The following CD33 variants were observed in gnomAD, a reference collection of about 807,000 sequenced individuals.
CD33 encodes CD33 molecule.
In CD33, 25 loss-of-function variants were observed where a neutral mutation model predicts 31.4. That is an observed-to-expected ratio of 0.80 (90% CI 0.58 to 1.11). CD33 has a LOEUF of 1.11. CD33 is among the 50% of genes most tolerant of loss of function. The probability of loss-of-function intolerance (pLI) is 0.00; values close to 1 mark genes in which losing one functional copy is unlikely to be tolerated. For missense variants in CD33, 407 were observed against 448.1 expected (o/e 0.91, Z 0.83); for synonymous variants, 176 against 180.6 (o/e 0.97, Z 0.20).
intron 4 of CD33, among the ~76,000 whole-genome samples, chr19:51,231,359 G>T (rs1353491216): frequency 6.6e-6 from 1 of 152,152 alleles, no homozygotes; most frequent in Non-Finnish European, 1.5e-5. Flanking sequence ...TCATTCCTTT[G>T]ACTCCGCTGG....
intron 4 of CD33, among the ~76,000 whole-genome samples, chr19:51,230,572 A>T (rs1302482660): frequency 8.5e-5 from 13 of 152,144 alleles, no homozygotes; most frequent in Non-Finnish European, 1.9e-4. Flanking sequence ...TACAGTTGTT[A>T]TATTATAGTG....
intron 4 of CD33, among the ~76,000 whole-genome samples, chr19:51,230,837 A>C (rs955027856): frequency 6.6e-6 from 1 of 152,200 alleles, no homozygotes; most frequent in African/African-American, 2.4e-5. Context: ...ATAATGTAAA[A>C]GAGTCTTGGA....
At chr19:51,239,410 T>G in intron 6 of CD33, 108 bp from the exon 7 acceptor site, 1 of 720,108 alleles carries the variant, frequency 1.4e-6, no homozygotes, top group Non-Finnish European at 2.2e-6. Flanking sequence ...AATGAAAGAG[T>G]GAATAAATGT....
In CD33 at chr19:51,235,952, A is replaced by T. The variant is rs1599875265; in HGVS notation, c.924+276A>T. The T allele has an allele frequency of 1.2e-5, 8 of 693,784 alleles. No homozygotes were observed. In the East Asian group the frequency reaches 1.9e-4, roughly 16 times the overall value. 43.0% of individuals were successfully genotyped at this position (693,784 alleles called of 1,614,324 possible). ...GGCGGGCGGATCACGAGGTCAGGAG[A>T]TTGAGACTATCCTGGCTAACATGGT... On this transcript the variant is annotated intron_variant, in intron 6 of 6. Coordinates refer to ENST00000262262, the MANE Select transcript of CD33 (RefSeq NM_001772.4).
At chr19:51,238,406 A>G (rs892078660) in intron 6 of CD33, 5 of 152,218 alleles carry the variant, frequency 3.3e-5, no homozygotes, top group African/African-American at 1.2e-4. Context: ...CGATGAATCT[A>G]CAAAGAAGAG....
At chr19:51,222,546 T>A (rs1013270958), upstream of CD33, among the ~76,000 whole-genome samples, 2 of 152,182 alleles carry the variant, frequency 1.3e-5, no homozygotes, top group Non-Finnish European at 1.5e-5. Flanking sequence ...ATATCACATT[T>A]TGAAATACAG....
chr19:51,223,740 T>C (rs1313351650), upstream of CD33, among the ~76,000 whole-genome samples: 2 of 152,224 alleles, frequency 1.3e-5, no homozygotes, highest in African/African-American at 2.4e-5. Flanking sequence ...CACAGGAAGA[T>C]GCTGCATGGT....
At chr19:51,224,430 T>C (rs949865820), upstream of CD33, among the ~76,000 whole-genome samples, 5 of 152,184 alleles carry the variant, frequency 3.3e-5, no homozygotes, top group Admixed American at 2.6e-4. Flanking sequence ...AGCTGTCTTA[T>C]CTGTGTTTCA....
intron 5 of CD33, 143 bp downstream of exon 5, chr19:51,235,396 A>T: frequency 8.2e-7 from 1 of 1,212,140 alleles, no homozygotes; most frequent in South Asian, 1.5e-5. Flanking sequence ...CCACTGGGAT[A>T]GGCGTGGGTC....
chr19:51,238,712 A>G (rs1298983664), intron 6 of CD33: 1 of 152,252 alleles, frequency 6.6e-6, no homozygotes, highest in Non-Finnish European at 1.5e-5. Context: ...GACTAGAGAG[A>G]GTTCAAGAGA....
the CD33 span, chr19:51,211,429 CA>C: frequency 2.5e-6 from 4 of 1,570,782 alleles, no homozygotes; most frequent in African/African-American, 5.4e-5. Flanking sequence ...GGAGGAGACT[CA>C]GGGCTGATTC....
chr19:51,237,079 A>T (rs764592150), intron 6 of CD33: 2 of 152,312 alleles, frequency 1.3e-5, no homozygotes, highest in African/African-American at 2.4e-5. Flanking sequence ...TTCTCATCTC[A>T]GAATCATTGC....
At chr19:51,226,462 G>GT (rs1207479011) in intron 4 of CD33, 106 bp downstream of exon 4, 8 of 964,314 alleles carry the variant, frequency 8.3e-6, no homozygotes, top group Non-Finnish European at 1.3e-5. Context: ...AAGGCCTGCA[G>GT]TTAGACACGG....
At chr19:51,228,801 T>C (rs1981213530) in intron 4 of CD33, among the ~76,000 whole-genome samples, 1 of 152,228 alleles carries the variant, frequency 6.6e-6, no homozygotes, top group South Asian at 2.1e-4. Flanking sequence ...ATTACAGGCA[T>C]GAGCCACCAC....
At chr19:51,236,266 A>G in intron 6 of CD33, 1 of 200,492 alleles carries the variant, frequency 5.0e-6, no homozygotes. Context: ...AGAGGGAGCA[A>G]GGAGAAAATG....
chr19:51,222,908 T>A (rs143457574), upstream of CD33, among the ~76,000 whole-genome samples: 562 of 152,322 alleles, frequency 3.7e-3, 3 homozygotes, highest in African/African-American at 0.012. Context: ...GAACATAGTA[T>A]GACTTTATTG....
rs1982043115 is a variant in CD33, at chr19:51,239,711, T to C, written c.*23T>C. ...TGAGGAACCCACAAGAGCATCAGGC[T>C]CAGCTAGAAGATCCACATCCTCTAC... On this transcript the variant is annotated 3_prime_UTR_variant, in exon 7 of 7. Transcript: ENST00000262262. 6.3e-7 allele frequency: 1 copy of C among 1,590,876 alleles called. No individual in the cohort carries two copies. Among genetic ancestry groups the C allele is most frequent in the Non-Finnish European group, 8.6e-7 (1 of 1,168,496 alleles).
Position 51,235,677 on chromosome 19 carries a change from G to C in CD33, c.924+1G>C. The C allele has an allele frequency of 6.2e-7, 1 of 1,611,708 alleles. No homozygotes were observed. Among genetic ancestry groups the C allele is most frequent in the Non-Finnish European group, 8.5e-7 (1 of 1,178,890 alleles). On this transcript the variant is annotated splice_donor_variant, in intron 6 of 6. Coordinates refer to ENST00000262262, the MANE Select transcript of CD33 (RefSeq NM_001772.4). LOFTEE classifies it high-confidence loss of function. ...CCCTACCACAGGGTCAGCCTCCCCG[G>C]TGAGTGATGGGGCATCCTGGCATCC...
upstream of CD33, among the ~76,000 whole-genome samples, chr19:51,223,547 A>T (rs1489685505): frequency 6.6e-6 from 1 of 152,212 alleles, no homozygotes; most frequent in African/African-American, 2.4e-5. Flanking sequence ...TTGTCTGGAA[A>T]TATTATGTCT....
Sources: gnomAD v4.1 joint callset for allele counts (sites outside exome capture counted in the v4.1 genomes callset) on GRCh38, gnomAD v4.1.1 for gene constraint, MANE v1.5 for transcripts, NCBI Gene and HGNC (gene_info 2026-07-23, HGNC 2026-07-21) for gene names.